Variants in ATXN1 observed in about 807,000 individuals in gnomAD.
The protein encoded by ATXN1 is ataxin-1.
Under a neutral mutation model 56.4 loss-of-function variants are expected in ATXN1, and 8 were observed. The observed-to-expected ratio is 0.14, with a 90% CI of 0.08 to 0.26. The LOEUF is 0.26. Ranked by LOEUF, ATXN1 falls within the 10% of genes least tolerant of loss-of-function variation. The pLI is 1.00. For missense variants in ATXN1, 987 were observed against 1,106.5 expected, an observed-to-expected ratio of 0.89 and a Z score of 1.53; for synonymous variants, 514 against 494.6, an observed-to-expected ratio of 1.04 and a Z score of -0.52.
At chr6:16,663,624 G>A (rs1053909766) in intron 2 of ATXN1, among the ~76,000 whole-genome samples, 1 of 152,014 alleles carries the variant, frequency 6.6e-6, no homozygotes, top group African/African-American at 2.4e-5. Context: ...TCACGCAGCA[G>A]CCAGGAGCAT....
intron 2 of ATXN1, among the ~76,000 whole-genome samples, chr6:16,699,645 G>A (rs533283840): frequency 6.6e-6 from 1 of 152,266 alleles, no homozygotes; most frequent in East Asian, 1.9e-4. Context: ...AACCTACACT[G>A]CATGAGCCAG....
chr6:16,411,486 T>A (rs1758799428), intron 6 of ATXN1, among the ~76,000 whole-genome samples: 1 of 152,050 alleles, frequency 6.6e-6, no homozygotes, highest in Admixed American at 6.6e-5. Context: ...AAAGTTTATA[T>A]CTGATTATAT....
intron 2 of ATXN1, among the ~76,000 whole-genome samples, chr6:16,730,996 G>A (rs1150637): frequency 0.65 from 98,880 of 151,938 alleles, 32,656 homozygotes; most frequent in East Asian, 0.85. Flanking sequence ...AAGAAGCTTG[G>A]ACAAATGTCA....
intron 2 of ATXN1, among the ~76,000 whole-genome samples, chr6:16,685,229 A>G: frequency 6.6e-6 from 1 of 152,214 alleles, no homozygotes; most frequent in East Asian, 1.9e-4. Flanking sequence ...ATTAGCTTGT[A>G]ATACACACTG....
chr6:16,408,614 T>C (rs751170586), intron 6 of ATXN1, among the ~76,000 whole-genome samples: 2 of 152,236 alleles, frequency 1.3e-5, no homozygotes, highest in Non-Finnish European at 2.9e-5. Flanking sequence ...TTCAGGGTTT[T>C]AATGATAAGG....
intron 2 of ATXN1, among the ~76,000 whole-genome samples, chr6:16,688,001 A>T (rs1221246563): frequency 1.3e-5 from 2 of 152,278 alleles, no homozygotes; most frequent in Admixed American, 1.3e-4. Context: ...ATTCCATGAA[A>T]ACTGAGTTCA....
intron 3 of ATXN1, among the ~76,000 whole-genome samples, chr6:16,653,906 G>A (rs1300592750): frequency 6.6e-6 from 1 of 152,138 alleles, no homozygotes; most frequent in South Asian, 2.1e-4. Context: ...TGTGGGAGAG[G>A]AGGCAAAGAG....
At chr6:16,567,763 C>T (rs1762256081) in intron 4 of ATXN1, among the ~76,000 whole-genome samples, 1 of 151,858 alleles carries the variant, frequency 6.6e-6, no homozygotes, top group South Asian at 2.1e-4. Context: ...TTTTTGTGCA[C>T]ACATTACCCA....
In ATXN1 at chr6:16,305,670, G is replaced by A. The variant is rs765557117; in HGVS notation, c.*659C>T. The A allele has an allele frequency of 6.3e-4, 97 of 152,814 alleles. No individual in the cohort carries two copies. Among genetic ancestry groups the A allele is most frequent in the Non-Finnish European group, 1.0e-3 (70 of 68,052 alleles). 9.5% of individuals were successfully genotyped at this position (152,814 alleles called of 1,614,324 possible). A position where few individuals can be genotyped will look rare whatever the true frequency, so the allele number is the denominator to read the frequency against. On this transcript the variant is annotated 3_prime_UTR_variant, in exon 8 of 8. Coordinates refer to ENST00000436367, the MANE Select transcript of ATXN1 (RefSeq NM_001128164.2). ...TCAGTGCAGTCAGGCCCCATAGGGG[G>A]AAATATATATCTATACAATTAAAAG...
At chr6:16,605,252 C>T (rs970004983) in intron 3 of ATXN1, among the ~76,000 whole-genome samples, 1 of 152,172 alleles carries the variant, frequency 6.6e-6, no homozygotes, top group African/African-American at 2.4e-5. Flanking sequence ...TGTTCAGGCT[C>T]CCTATTTTGT....
intron 6 of ATXN1, among the ~76,000 whole-genome samples, chr6:16,468,328 G>A (rs1013359759): frequency 2.0e-5 from 3 of 152,190 alleles, no homozygotes; most frequent in South Asian, 4.1e-4. Context: ...TGGGACTACA[G>A]GCGCATGCCA....
chr6:16,379,168 C>T (rs191493758), intron 6 of ATXN1, among the ~76,000 whole-genome samples: 32 of 152,260 alleles, frequency 2.1e-4, no homozygotes, highest in African/African-American at 7.2e-4. Context: ...GAATGGAAAA[C>T]CAAACATCAT....
intron 3 of ATXN1, among the ~76,000 whole-genome samples, chr6:16,650,646 G>T (rs1763876257): frequency 6.6e-6 from 1 of 152,198 alleles, no homozygotes; most frequent in South Asian, 2.1e-4. Context: ...TTCTCCGCAT[G>T]CAGTGAACCG....
At chr6:16,592,628 A>C (rs1476490115) in intron 3 of ATXN1, among the ~76,000 whole-genome samples, 1 of 152,012 alleles carries the variant, frequency 6.6e-6, no homozygotes, top group Non-Finnish European at 1.5e-5. Context: ...GAAGCACTAT[A>C]CAGAAAGCAC....
At chr6:16,621,136 G>T (rs1161527318) in intron 3 of ATXN1, among the ~76,000 whole-genome samples, 1 of 152,224 alleles carries the variant, frequency 6.6e-6, no homozygotes, top group Non-Finnish European at 1.5e-5. Flanking sequence ...GGCAGCACCT[G>T]TTCGGAGCCC....
intron 3 of ATXN1, among the ~76,000 whole-genome samples, chr6:16,642,745 T>G (rs766215385): frequency 1.7e-4 from 26 of 152,194 alleles, no homozygotes; most frequent in Non-Finnish European, 2.9e-4. Context: ...GTAAAGACCC[T>G]TTACCAACAA....
intron 6 of ATXN1, among the ~76,000 whole-genome samples, chr6:16,434,177 G>A (rs539557415): frequency 1.3e-5 from 2 of 152,274 alleles, no homozygotes; most frequent in East Asian, 3.9e-4. Context: ...TTATCTAGTG[G>A]AAGATTATCC....
chr6:16,758,802 G>A (rs1178669231), intron 1 of ATXN1, among the ~76,000 whole-genome samples: 1 of 152,192 alleles, frequency 6.6e-6, no homozygotes, highest in East Asian at 1.9e-4. Context: ...TGTAGAAGAT[G>A]GCATTCAAGT....
At chr6:16,705,663 T>C (rs776964916) in intron 2 of ATXN1, among the ~76,000 whole-genome samples, 8 of 152,176 alleles carry the variant, frequency 5.3e-5, no homozygotes, top group Non-Finnish European at 7.4e-5. Flanking sequence ...GTCACTTCCA[T>C]TGCCACTCCA....
Sources: allele counts gnomAD v4.1 joint callset (sites outside exome capture counted in the v4.1 genomes callset), GRCh38; gene constraint gnomAD v4.1.1; transcripts MANE v1.5; gene names NCBI Gene and HGNC (gene_info 2026-07-23, HGNC 2026-07-21).